WDR19: variants seen among roughly 807,000 people sequenced by gnomAD.
The protein encoded by WDR19 is WD repeat-containing protein 19.
Under a neutral mutation model 180.0 loss-of-function variants are expected in WDR19, and 121 were observed. That is an observed-to-expected ratio of 0.67 (90% confidence interval 0.58 to 0.78). The LOEUF is 0.78. WDR19 is among the 30% of genes least tolerant of loss of function. The pLI, the probability that WDR19 is intolerant of heterozygous loss-of-function variation, is 0.00. For missense variants in WDR19, 1,450 were observed against 1,640.7 expected (o/e 0.88, Z 2.01); for synonymous variants, 497 against 540.7 (o/e 0.92, Z 1.12).
intron 30 of WDR19, 22 bp downstream of exon 30, chr4:39,268,113 G>A: frequency 6.5e-7 from 1 of 1,543,876 alleles, no homozygotes; most frequent in Non-Finnish European, 8.8e-7. Flanking sequence ...ATACGTATGT[G>A]TTACTTCCCA....
At chr4:39,227,311 A>G (rs911163722) in intron 15 of WDR19, among the ~76,000 whole-genome samples, 2 of 152,194 alleles carry the variant, frequency 1.3e-5, no homozygotes, top group Non-Finnish European at 2.9e-5. Context: ...TATTCAGGAT[A>G]TATACAAGCC....
chr4:39,217,260 C>T lies in WDR19; in HGVS notation c.1356+20C>T. 1.3e-6 allele frequency: 2 copies of T among 1,522,074 alleles called. No homozygotes were observed. The highest frequency in any genetic ancestry group is 1.8e-6 in the Non-Finnish European group (2 of 1,113,324). The allele number at this position is 1,522,074 out of a possible 1,614,324, so 94.3% of individuals were successfully genotyped here. ...CATTTGGTAAGTATAATTTTGATGT[C>T]CTGGAGACGCGCTAAGTTATAATGA... On this transcript the variant is annotated intron_variant, in intron 13 of 36. Coordinates refer to ENST00000399820, the MANE Select transcript of WDR19 (RefSeq NM_025132.4).
At chr4:39,188,838 C>T (rs1233743027) in intron 3 of WDR19, among the ~76,000 whole-genome samples, 1 of 152,096 alleles carries the variant, frequency 6.6e-6, no homozygotes, top group Non-Finnish European at 1.5e-5. Flanking sequence ...GCAGCCTTTA[C>T]CTCCCGGGCT....
intron 20 of WDR19, among the ~76,000 whole-genome samples, chr4:39,235,867 CA>C (rs1731323795): frequency 1.3e-5 from 2 of 151,634 alleles, no homozygotes; most frequent in Admixed American, 1.3e-4. Flanking sequence ...AAGCAGCCAA[CA>C]AAAATATGAA....
At chr4:39,229,373 A>T (rs1483600830) in intron 17 of WDR19, among the ~76,000 whole-genome samples, 2 of 152,164 alleles carry the variant, frequency 1.3e-5, no homozygotes, top group Non-Finnish European at 2.9e-5. Context: ...CTCAGATAAG[A>T]TAGTCAGCTG....
chr4:39,228,138 AG>A, intron 15 of WDR19, 71 bp from the exon 16 acceptor site: 1 of 1,552,444 alleles, frequency 6.4e-7, no homozygotes, highest in South Asian at 1.2e-5. Flanking sequence ...GGCTGCAAAC[AG>A]GCTTCTACCA....
intron 19 of WDR19, among the ~76,000 whole-genome samples, chr4:39,234,023 A>G (rs1378314821): frequency 6.6e-6 from 1 of 152,220 alleles, no homozygotes; most frequent in Non-Finnish European, 1.5e-5. Flanking sequence ...GTAACCTTAT[A>G]TACAGAGGAG....
At chr4:39,221,536 C>G (rs1203774342) in intron 14 of WDR19, among the ~76,000 whole-genome samples, 1 of 152,260 alleles carries the variant, frequency 6.6e-6, no homozygotes, top group East Asian at 1.9e-4. Flanking sequence ...TTTGGACAGG[C>G]GTGGTGGCAC....
chr4:39,277,274 AT>A, intron 34 of WDR19, 131 bp downstream of exon 34: 1 of 1,007,848 alleles, frequency 9.9e-7, no homozygotes, highest in Non-Finnish European at 1.4e-6. Context: ...AACATCTAGC[AT>A]TTTATTTCAT....
intron 30 of WDR19, 90 bp downstream of exon 30, chr4:39,268,181 C>T (rs1156663681): frequency 9.0e-6 from 10 of 1,110,446 alleles, no homozygotes; most frequent in African/African-American, 3.2e-5. Context: ...GTAGCCCCTA[C>T]GTTTGTAACA....
In WDR19 at chr4:39,266,230, G is replaced by A. The variant is rs946021216; in HGVS notation, c.3261+90G>A. On this transcript the variant is annotated intron_variant, in intron 29 of 36. Coordinates refer to ENST00000399820, the MANE Select transcript of WDR19 (RefSeq NM_025132.4). ...TTACCCATCATGCTTTTACAACATA[G>A]ACATGAAAAATTTTCTCTCTGCCAG... 111 of 1,235,960 alleles carry A rather than the reference G, an allele frequency of 9.0e-5. 1 individual carries two copies. The highest frequency in any genetic ancestry group is 1.2e-4 in the Non-Finnish European group (108 of 910,496). 76.6% of individuals were successfully genotyped at this position (1,235,960 alleles called of 1,614,324 possible). A position where few individuals can be genotyped will look rare whatever the true frequency, so the allele number is the denominator to read the frequency against.
chr4:39,234,348 AAC>A (rs1453125993), intron 19 of WDR19, among the ~76,000 whole-genome samples: 1 of 152,192 alleles, frequency 6.6e-6, no homozygotes, highest in Non-Finnish European at 1.5e-5. Context: ...TTCTAAGAAA[AAC>A]ACACCAATTC....
intron 5 of WDR19, among the ~76,000 whole-genome samples, chr4:39,196,313 C>A (rs1191072654): frequency 6.6e-6 from 1 of 152,168 alleles, no homozygotes; most frequent in African/African-American, 2.4e-5. Flanking sequence ...TAGACTCATA[C>A]CTCCAACGCT....
chr4:39,247,071 A>T (rs572122478), intron 24 of WDR19, among the ~76,000 whole-genome samples: 62 of 152,190 alleles, frequency 4.1e-4, no homozygotes, highest in African/African-American at 1.5e-3. Context: ...TGGGTCCCTG[A>T]CCCCTGAGTA....
intron 9 of WDR19, among the ~76,000 whole-genome samples, chr4:39,213,347 G>A (rs1446181599): frequency 6.6e-6 from 1 of 152,154 alleles, no homozygotes; most frequent in African/African-American, 2.4e-5. Context: ...ATGTCCTTCA[G>A]TGGGTGAATG....
intron 3 of WDR19, among the ~76,000 whole-genome samples, chr4:39,187,281 G>A (rs1472505775): frequency 2.6e-5 from 4 of 152,048 alleles, no homozygotes; most frequent in Non-Finnish European, 2.9e-5. Flanking sequence ...GTAGCTGGGC[G>A]TGGTGGCATG....
At chr4:39,278,397 G>A (rs1736121203) in intron 35 of WDR19, 142 bp from the exon 36 acceptor site, 1 of 806,728 alleles carries the variant, frequency 1.2e-6, no homozygotes, top group Non-Finnish European at 2.0e-6. Flanking sequence ...GCATGAGACT[G>A]AATAGTTCTG....
In WDR19 at chr4:39,268,110, T is replaced by A; in HGVS notation, c.3358+19T>A. On this transcript the variant is annotated intron_variant, in intron 30 of 36. Coordinates refer to ENST00000399820, the MANE Select transcript of WDR19 (RefSeq NM_025132.4). ...TCTGCAGGTAGGTCCGTGATACGTA[T>A]GTGTTACTTCCCAAGCAGGCAGCAG... is the stretch of plus-strand genomic sequence containing the variant. The A allele has an allele frequency of 1.3e-6, 2 of 1,550,538 alleles. No homozygotes were observed. The highest frequency in any genetic ancestry group is 1.8e-6 in the Non-Finnish European group (2 of 1,142,314).
chr4:39,275,146 C>A, intron 33 of WDR19, 188 bp downstream of exon 33: 2 of 708,022 alleles, frequency 2.8e-6, no homozygotes, highest in Non-Finnish European at 2.4e-6. Context: ...TCAAGACCAG[C>A]CTGGCCAATA....
Sources: allele counts gnomAD v4.1 joint callset (sites outside exome capture counted in the v4.1 genomes callset), GRCh38; gene constraint gnomAD v4.1.1; transcripts MANE v1.5; gene names NCBI Gene and HGNC (gene_info 2026-07-23, HGNC 2026-07-21).